The following BPIFA1 variants were observed in gnomAD, a reference collection of about 807,000 sequenced individuals.
BPIFA1 encodes the protein BPI fold-containing family A member 1.
In BPIFA1, 24 loss-of-function variants were observed where a neutral mutation model predicts 25.1. The observed-to-expected ratio is 0.96, with a 90% CI of 0.69 to 1.35. The LOEUF (loss-of-function observed/expected upper bound fraction) is 1.35. Among genes scored for constraint, BPIFA1 ranks in the 40% most tolerant of loss-of-function variants. The pLI is 0.00. For missense variants in BPIFA1, 344 were observed against 303.7 expected (o/e 1.13, Z -0.99); for synonymous variants, 139 against 131.8 (o/e 1.05, Z -0.37).
In BPIFA1 at chr20:33,241,437, A is replaced by C; in HGVS notation, c.634A>C (p.Asn212His). The change falls in exon 6 of 9, where the codon AAT becomes CAT. Residue 212 changes from asparagine to histidine, a missense_variant. Coordinates refer to ENST00000354297, the MANE Select transcript of BPIFA1 (RefSeq NM_130852.3). ...GLLDSLTGIL[N>H]KVLPELVQGN... ...TCTGGACAGCCTCACAGGGATCTTG[A>C]ATAAAGTCCTGCCTGAGTTGGTTCA... The C allele has an allele frequency of 6.2e-7, 1 of 1,614,084 alleles. No individual in the cohort carries two copies. The highest frequency in any genetic ancestry group is 8.5e-7 in the Non-Finnish European group (1 of 1,179,986).
chr20:33,237,898 AT>A (rs1978762180), intron 2 of BPIFA1, 27 bp downstream of exon 2: 1 of 1,087,716 alleles, frequency 9.2e-7, no homozygotes. Context: ...GTATGTGTGC[AT>A]GTGTGTGTGT....
chr20:33,239,845 G>A lies in BPIFA1; in HGVS notation c.363G>A (p.Val121=). ...CCCAGCTGCTGGAACTTGGCCTTGT[G>A]CAGAGCCCTGATGGCCACCGTCTCT... ...TDPQLLELGL[V]QSPDGHRLYV... Residue 121 remains valine (V), a synonymous_variant, in exon 4 of 9, where the codon GTG becomes GTA. Coordinates refer to ENST00000354297, the MANE Select transcript of BPIFA1 (RefSeq NM_130852.3). The A allele has an allele frequency of 1.2e-6, 2 of 1,614,174 alleles. No individual in the cohort carries two copies. Among genetic ancestry groups the A allele is most frequent in the Non-Finnish European group, 1.7e-6 (2 of 1,180,014 alleles).
At position 33,241,410 on chromosome 20, in the gene BPIFA1, CT is replaced by C. The variant is rs1189368067; in HGVS notation, c.609del (p.Leu204TrpfsTer8). The C allele has an allele frequency of 1.4e-5, 23 of 1,614,136 alleles. No homozygotes were observed. Among genetic ancestry groups the C allele is most frequent in the Middle Eastern group, 1.6e-4 (1 of 6,062 alleles). On this transcript the variant is annotated frameshift_variant, in exon 6 of 9. Transcript: ENST00000354297. LOFTEE classifies it high-confidence loss of function. ...ACTTGGCCCCCTCCCCATTCAAGGT[CT>C]TCTGGACAGCCTCACAGGGATCTTG... Reference protein sequence around the residue: ...DGLGPLPIQGLLDSLTGILNK... With the variant: ...DGLGPLPIQGXLDSLTGILNK...
chr20:33,236,336 C>T (rs752830584), intron 1 of BPIFA1, among the ~76,000 whole-genome samples: 3 of 152,168 alleles, frequency 2.0e-5, no homozygotes, highest in Non-Finnish European at 4.4e-5. Flanking sequence ...CAAAAACCTC[C>T]TAAAATTCTT....
rs749039019 is a variant in BPIFA1, at chr20:33,242,473, G to A, written c.731-14G>A. The A allele has an allele frequency of 3.7e-6, 6 of 1,613,186 alleles. No individual in the cohort carries two copies. Among genetic ancestry groups the A allele is most frequent in the African/African-American group, 1.3e-5 (1 of 74,866 alleles). On this transcript the variant is annotated splice_polypyrimidine_tract_variant and intron_variant, in intron 7 of 8. Coordinates refer to ENST00000354297, the MANE Select transcript of BPIFA1 (RefSeq NM_130852.3). ...ACTGTCGTCTGTTTTTTTATTGCTT[G>A]TTTGTTTGTTTAGACATGCTGATCC...
chr20:33,241,449 C>A lies in BPIFA1; in HGVS notation c.646C>A (p.Pro216Thr). ...SLTGILNKVL[P>T]ELVQGNVCPL... ...CACAGGGATCTTGAATAAAGTCCTG[C>A]CTGAGTTGGTTCAGGGCAACGTAAG... Residue 216 changes from proline (P) to threonine (T), a missense_variant, in exon 6 of 9, where the codon CCT (proline) becomes ACT (threonine). By Grantham distance (38) the Pro-to-Thr change is conservative (BLOSUM62 -1). Coordinates refer to ENST00000354297, the MANE Select transcript of BPIFA1 (RefSeq NM_130852.3). 1.9e-6 allele frequency: 3 copies of A among 1,614,046 alleles called. No homozygotes were observed. Among genetic ancestry groups the A allele is most frequent in the Non-Finnish European group, 1.7e-6 (2 of 1,179,928 alleles).
chr20:33,237,908 G>GCA (rs1978767301), intron 2 of BPIFA1, 37 bp downstream of exon 2: 1 of 343,992 alleles, frequency 2.9e-6, no homozygotes, highest in Non-Finnish European at 3.5e-6. Context: ...ATGTGTGTGT[G>GCA]TGTGTGTGTG....
chr20:33,237,404 T>G (rs1327083394), intron 1 of BPIFA1, among the ~76,000 whole-genome samples: 1 of 152,136 alleles, frequency 6.6e-6, no homozygotes, highest in African/African-American at 2.4e-5. Flanking sequence ...ACCCTCTTCT[T>G]TGGAATGTGG....
At position 33,237,698 on chromosome 20, in the gene BPIFA1, T is replaced by C. The variant is rs775898825; in HGVS notation, c.-14T>C. The C allele has an allele frequency of 6.9e-7, 1 of 1,444,986 alleles. No individual in the cohort carries two copies. The highest frequency in any genetic ancestry group is 2.5e-5 in the East Asian group (1 of 39,662). The allele number at this position is 1,444,986 out of a possible 1,614,324, so 89.5% of individuals were successfully genotyped here. A position where few individuals can be genotyped will look rare whatever the true frequency, so the allele number is the denominator to read the frequency against. ...TTGGACTTGTCATTCTGGCCACAGATACTAAGAGCAAAGATGTTTCAAACT... is the reference window on the plus strand; with the variant it reads ...TTGGACTTGTCATTCTGGCCACAGACACTAAGAGCAAAGATGTTTCAAACT... On this transcript the variant is annotated splice_region_variant and 5_prime_UTR_variant, in exon 2 of 9. Coordinates refer to ENST00000354297, the MANE Select transcript of BPIFA1 (RefSeq NM_130852.3).
At chr20:33,237,898 ATGTGTG>A (rs11468029) in intron 2 of BPIFA1, 27 bp downstream of exon 2, 108,048 of 1,168,908 alleles carry the variant, frequency 0.092, 3,236 homozygotes, top group East Asian at 0.23. Flanking sequence ...GTATGTGTGC[ATGTGTG>A]TGTGTGTGTG....
In BPIFA1 at chr20:33,238,306, C is replaced by T. The variant is rs1978796970; in HGVS notation, c.320+92C>T. The T allele has an allele frequency of 2.8e-6, 4 of 1,414,392 alleles. No homozygotes were observed. The South Asian group carries it at 5.5e-5, about 19-fold the overall frequency. The allele number at this position is 1,414,392 out of a possible 1,614,324, so 87.6% of individuals were successfully genotyped here. A position where few individuals can be genotyped will look rare whatever the true frequency, so the allele number is the denominator to read the frequency against. On this transcript the variant is annotated intron_variant, in intron 3 of 8. Coordinates refer to ENST00000354297, the MANE Select transcript of BPIFA1 (RefSeq NM_130852.3). ...AGGCAGTGACCCTGAAGCAGCGACC[C>T]TGAAGCAGCGAGGGAGCGGCCTGAA...
At position 33,242,115 on chromosome 20, in the gene BPIFA1, T is replaced by C. The variant is rs1280734925; in HGVS notation, c.726T>C (p.Ile242=). Residue 242 remains isoleucine, a synonymous_variant, in exon 7 of 9, where the codon ATT becomes ATC. Coordinates refer to ENST00000354297, the MANE Select transcript of BPIFA1 (RefSeq NM_130852.3). ...TGGACATCACCCTGGTGCATGACAT[T>C]GTTAGTAAGTACCTGCTTTCAAGCC... is the stretch of plus-strand genomic sequence containing the variant. The part of the protein sequence containing the change: ...RGLDITLVHD[I]VNMLIHGLQF... 1 of 1,614,016 alleles carries C rather than the reference T, an allele frequency of 6.2e-7. No homozygotes were observed. The highest frequency in any genetic ancestry group is 1.6e-4 in the Middle Eastern group (1 of 6,062).
At chr20:33,236,429 CAA>C (rs1978681170) in intron 1 of BPIFA1, among the ~76,000 whole-genome samples, 2 of 152,194 alleles carry the variant, frequency 1.3e-5, no homozygotes, top group East Asian at 3.9e-4. Flanking sequence ...GTCTGTTGCC[CAA>C]AAGAGATTCA....
chr20:33,242,176 AAGG>A (rs1568632420), intron 7 of BPIFA1, 57 bp downstream of exon 7: 2 of 1,572,868 alleles, frequency 1.3e-6, no homozygotes, highest in Admixed American at 3.3e-5. Context: ...AACTTCCCCC[AAGG>A]AGTTTTTTCC....
chr20:33,238,926 T>C (rs6059185), intron 3 of BPIFA1, among the ~76,000 whole-genome samples: 52,089 of 152,068 alleles, frequency 0.34, 11,481 homozygotes, highest in African/African-American at 0.63. Flanking sequence ...TTCTTGACTT[T>C]GATTTTCAAA....
chr20:33,239,245 C>T (rs1978841952), intron 3 of BPIFA1, among the ~76,000 whole-genome samples: 1 of 152,152 alleles, frequency 6.6e-6, no homozygotes, highest in African/African-American at 2.4e-5. Flanking sequence ...TCCCTGACTT[C>T]CTGCTCCTCA....
rs779678873 is a variant in BPIFA1 at position 33,242,470 on chromosome 20, C to T, written c.731-17C>T. ...ATAACTGTCGTCTGTTTTTTTATTG[C>T]TTGTTTGTTTGTTTAGACATGCTGA... On this transcript the variant is annotated splice_polypyrimidine_tract_variant and intron_variant, in intron 7 of 8. Transcript: ENST00000354297. The T allele has an allele frequency of 2.5e-6, 4 of 1,613,552 alleles. No homozygotes were observed. The highest frequency in any genetic ancestry group is 3.4e-6 in the Non-Finnish European group (4 of 1,179,730).
chr20:33,241,995 C>A, intron 6 of BPIFA1, 61 bp from the exon 7 acceptor site: 1 of 1,461,656 alleles, frequency 6.8e-7, no homozygotes, highest in Non-Finnish European at 9.6e-7. Context: ...AGAACCCCCA[C>A]TAGGGATTCT....
At chr20:33,240,616 A>G (rs984571820) in intron 5 of BPIFA1, among the ~76,000 whole-genome samples, 9 of 143,430 alleles carry the variant, frequency 6.3e-5, no homozygotes, top group African/African-American at 2.6e-4. Context: ...GGAGAGAAGG[A>G]TGAATAGATA....
Sources: gnomAD v4.1 joint callset for allele counts (sites outside exome capture counted in the v4.1 genomes callset) on GRCh38, gnomAD v4.1.1 for gene constraint, MANE v1.5 for transcripts, NCBI Gene and HGNC (gene_info 2026-07-23, HGNC 2026-07-21) for gene names.